GAK: variants seen among roughly 807,000 people sequenced by gnomAD.
GAK encodes the protein cyclin-G-associated kinase.
Under a neutral mutation model 143.9 loss-of-function variants are expected in GAK, and 79 were observed. The ratio of observed to expected loss-of-function variants is 0.55; its 90% CI spans 0.46 to 0.66. The LOEUF (loss-of-function observed/expected upper bound fraction) is 0.66, where lower values mean the gene tolerates loss of function less well. Among genes scored for constraint, GAK ranks in the 30% least tolerant of loss-of-function variants. The pLI, the probability that GAK is intolerant of heterozygous loss-of-function variation, is 0.00. For synonymous variants in GAK, 881 were observed against 765.5 expected, an observed-to-expected ratio of 1.15 and a Z score of -2.49; for missense variants, 1,693 against 1,779.7, an observed-to-expected ratio of 0.95 and a Z score of 0.88.
intron 11 of GAK, chr4:888,578 G>A (rs1233083669): frequency 1.1e-5 from 5 of 461,920 alleles, no homozygotes; most frequent in South Asian, 2.8e-5. Flanking sequence ...AGTGAGGGGC[G>A]ACATTGCAGC....
intron 24 of GAK, among the ~76,000 whole-genome samples, chr4:855,632 G>A (rs1478141235): frequency 2.0e-5 from 3 of 152,208 alleles, no homozygotes; most frequent in Non-Finnish European, 4.4e-5. Flanking sequence ...GTGGAGAAAA[G>A]ACACTCCTGC....
At chr4:889,379 G>A (rs1443701714) in intron 10 of GAK, among the ~76,000 whole-genome samples, 1 of 152,218 alleles carries the variant, frequency 6.6e-6, no homozygotes, top group Non-Finnish European at 1.5e-5. Context: ...GCAGAGTGGT[G>A]GCCCCTGGCC....
rs1345630220 is a variant in GAK, at chr4:893,439, C to G, written c.928G>C (p.Val310Leu). ...PEERLSIAEV[V>L]HQLQEIAAAR... ...GCCGCGATCTCCTGCAGCTGGTGCA[C>G]CACCTCGGCGATGGACAGCCGCTCC... Residue 310 changes from valine to leucine, a missense_variant, in exon 9 of 28, where the codon GTG becomes CTG. Physicochemically the swap from Val to Leu is conservative, Grantham distance 32. Around this residue, in one of 2 missense-constraint regions of GAK, gnomAD observed 871 missense variants for 991.0 expected, o/e 0.88. Transcript: ENST00000314167. 2 of 1,593,194 alleles carry G rather than the reference C, an allele frequency of 1.3e-6. No homozygotes were observed. The highest frequency in any genetic ancestry group is 2.2e-5 in the South Asian group (2 of 88,904).
chr4:851,483 T>C (rs1748128397), intron 25 of GAK: 2 of 560,352 alleles, frequency 3.6e-6, no homozygotes, highest in South Asian at 2.2e-5. Flanking sequence ...GCCTCCAGAG[T>C]AAAGAAGAGG....
chr4:928,451 G>T (rs1002081165), intron 1 of GAK, among the ~76,000 whole-genome samples: 2 of 152,190 alleles, frequency 1.3e-5, no homozygotes, highest in Admixed American at 1.3e-4. Flanking sequence ...GGATCACGTA[G>T]GCCCAGGAGT....
At chr4:865,902 G>A (rs1172490750) in intron 22 of GAK, among the ~76,000 whole-genome samples, 1 of 152,232 alleles carries the variant, frequency 6.6e-6, no homozygotes, top group African/African-American at 2.4e-5. Context: ...GCCATGCTGT[G>A]CCCCGGCGCC....
chr4:851,801 A>G lies in GAK; in HGVS notation c.3457T>C (p.Phe1153Leu), dbSNP rs745811697. 7 of 1,612,604 alleles carry G rather than the reference A, an allele frequency of 4.3e-6. No individual in the cohort carries two copies. The highest frequency in any genetic ancestry group is 4.2e-6 in the Non-Finnish European group (5 of 1,179,356). ...TQPRPNYASN[F>L]SVIGAREERG... Reference sequence around the variant, plus strand: ...TCCTCCCGCGCCCCGATCACACTGAAGTTCGAGGCATAGTTAGGCCTTGGC... The same window carrying G: ...TCCTCCCGCGCCCCGATCACACTGAGGTTCGAGGCATAGTTAGGCCTTGGC... Residue 1153 changes from phenylalanine (F) to leucine (L), a missense_variant, in exon 25 of 28, where the codon TTC (phenylalanine) becomes CTC (leucine). Transcript: ENST00000314167.
Position 911,772 on chromosome 4 carries a change from G to T in GAK, c.283C>A (p.His95Asn). The T allele has an allele frequency of 6.2e-7, 1 of 1,613,914 alleles. No individual in the cohort carries two copies. The highest frequency in any genetic ancestry group is 8.5e-7 in the Non-Finnish European group (1 of 1,179,878). The change falls in exon 4 of 28, where the codon CAC becomes AAC. Residue 95 changes from histidine (H) to asparagine (N), a missense_variant. Physicochemically the swap from His to Asn is moderately conservative, Grantham distance 68. Transcript: ENST00000314167. ...GAACAAAACTGGACAATGTTCGGGT[G>T]GCCGGAAAGCTTTTTCTGCAGTTGT... The part of the protein sequence containing the change: ...EVCFMKKLSG[H>N]PNIVQFCSAA...
rs753776723 is a variant in GAK at position 877,615 on chromosome 4, C to T, written c.1856G>A (p.Arg619Gln). ...ASTSQEYDKMRDFKIEDGKAV... is the reference protein window; with the variant it reads ...ASTSQEYDKMQDFKIEDGKAV... ...AGCGTGGGGCTGCAGCTGCACTCACCGCATCTTGTCGTACTCCTGGGAGGT... is the reference window on the plus strand; with the variant it reads ...AGCGTGGGGCTGCAGCTGCACTCACTGCATCTTGTCGTACTCCTGGGAGGT... The change falls in exon 16 of 28, where the codon CGG becomes CAG. Residue 619 changes from arginine to glutamine, a missense_variant and splice_region_variant. Coordinates refer to ENST00000314167, the MANE Select transcript of GAK (RefSeq NM_005255.4). 1.6e-5 allele frequency: 26 copies of T among 1,577,746 alleles called. No individual in the cohort carries two copies. Among genetic ancestry groups the T allele is most frequent in the African/African-American group, 4.0e-5 (3 of 74,336 alleles).
chr4:896,048 G>A (rs1408300404), intron 7 of GAK, among the ~76,000 whole-genome samples: 1 of 152,214 alleles, frequency 6.6e-6, no homozygotes, highest in Non-Finnish European at 1.5e-5. Flanking sequence ...GACCGCTTGA[G>A]CTCAGGAGTT....
intron 27 of GAK, 58 bp from the exon 28 acceptor site, chr4:849,832 G>GGGGGGGGGGGGGGC: frequency 8.0e-7 from 1 of 1,256,600 alleles, no homozygotes; most frequent in Non-Finnish European, 1.1e-6. Context: ...GGGCGGGGCA[G>GGGGGGGGGGGGGGC]GACCCCCCCC....
chr4:881,288 G>T (rs1715051410), intron 15 of GAK, among the ~76,000 whole-genome samples: 1 of 152,210 alleles, frequency 6.6e-6, no homozygotes. Flanking sequence ...TCTTTCAGAG[G>T]CTAGGAGGCT....
intron 20 of GAK, among the ~76,000 whole-genome samples, chr4:867,706 G>A (rs1463430673): frequency 6.6e-6 from 1 of 151,004 alleles, no homozygotes; most frequent in African/African-American, 2.4e-5. Flanking sequence ...GGGTCCCCAC[G>A]GCGCGTCCCC....
At chr4:919,364 G>A (rs1167024031) in intron 1 of GAK, among the ~76,000 whole-genome samples, 7 of 151,814 alleles carry the variant, frequency 4.6e-5, no homozygotes, top group Middle Eastern at 6.9e-3. Context: ...GGGCCTCAGC[G>A]CCCCATGACC....
intron 11 of GAK, among the ~76,000 whole-genome samples, chr4:884,873 C>A (rs1467885139): frequency 6.6e-6 from 1 of 152,204 alleles, no homozygotes; most frequent in East Asian, 1.9e-4. Flanking sequence ...GTGCTGTCCC[C>A]ATCAGAGGAA....
chr4:870,526 T>TGCTA (rs1712332198), intron 19 of GAK, among the ~76,000 whole-genome samples, 185 bp downstream of exon 19: 1 of 152,178 alleles, frequency 6.6e-6, no homozygotes, highest in Admixed American at 6.5e-5. Context: ...TTCTCTGGTG[T>TGCTA]AGCTGGTGGT....
chr4:872,979 C>T (rs1189888544), intron 18 of GAK, among the ~76,000 whole-genome samples: 2 of 151,158 alleles, frequency 1.3e-5, no homozygotes, highest in African/African-American at 4.9e-5. Context: ...CCAGGCACGG[C>T]GCAGGCTCAC....
chr4:894,220 G>C, intron 7 of GAK: 1 of 473,580 alleles, frequency 2.1e-6, no homozygotes, highest in Non-Finnish European at 3.4e-6. Context: ...ACCGGGGCCT[G>C]CGGGAACAAC....
Position 913,127 on chromosome 4 carries a change from C to T in GAK, c.208-333G>A, listed in dbSNP as rs186280105. On this transcript the variant is annotated intron_variant, in intron 2 of 27. Transcript: ENST00000314167. ...GGCGTGCAGACCACGACAACAGGCC[C>T]ACTCATGCCCACTCTCAAAGGCGGG... 3.3e-5 allele frequency among the ~76,000 whole-genome samples: 5 copies of T among 152,114 alleles called. No individual in the cohort carries two copies. The East Asian group carries it at 9.7e-4, about 29-fold the overall frequency.
Sources: gnomAD v4.1 joint callset for allele counts (sites outside exome capture counted in the v4.1 genomes callset) on GRCh38, gnomAD v4.1.1 for gene constraint, gnomAD v4.1.1 regional missense constraint, MANE v1.5 for transcripts, NCBI Gene and HGNC (gene_info 2026-07-23, HGNC 2026-07-21) for gene names.